The following PBX1 variants were observed in gnomAD, a reference collection of about 807,000 sequenced individuals.
The protein encoded by PBX1 is PBX homeobox 1, also known as pre-B-cell leukemia transcription factor 1.
Under a neutral mutation model 53.4 loss-of-function variants are expected in PBX1, and 6 were observed. The observed-to-expected ratio is 0.11, with a 90% confidence interval of 0.06 to 0.22. The LOEUF (loss-of-function observed/expected upper bound fraction) is 0.22. Among genes scored for constraint, PBX1 ranks in the 10% least tolerant of loss-of-function variants. The pLI is 1.00. For synonymous variants in PBX1, 204 were observed against 212.3 expected (o/e 0.96, Z 0.34); for missense variants, 251 against 551.4 (o/e 0.46, Z 5.46).
rs140512163 is a variant in PBX1, at chr1:164,718,166, A to T, written c.266-74328A>T. Among the ~76,000 whole-genome samples the T allele has an allele frequency of 5.9e-3, 891 of 152,304 alleles. 12 individuals carry two copies. Among genetic ancestry groups the T allele is most frequent in the South Asian group, 0.05 (241 of 4,826 alleles). Reference sequence around the variant, plus strand: ...GTGTTTCCATTTGGACTTACCACGAATGTGGCATGTTTTACCTTCTTTTTT... The same window carrying T: ...GTGTTTCCATTTGGACTTACCACGATTGTGGCATGTTTTACCTTCTTTTTT... On this transcript the variant is annotated intron_variant, in intron 2 of 8. Transcript: ENST00000420696.
chr1:164,701,899 A>G (rs1231344100), intron 2 of PBX1, among the ~76,000 whole-genome samples: 2 of 152,216 alleles, frequency 1.3e-5, no homozygotes, highest in Non-Finnish European at 2.9e-5. Context: ...ACTGAGACCC[A>G]CAACCTTTTG....
intron 2 of PBX1, among the ~76,000 whole-genome samples, chr1:164,569,364 A>G (rs1653668471): frequency 6.6e-6 from 1 of 152,040 alleles, no homozygotes; most frequent in South Asian, 2.1e-4. Context: ...AAGGTGATAG[A>G]TGTAAATTAC....
chr1:164,614,998 C>T (rs12140098), intron 2 of PBX1, among the ~76,000 whole-genome samples: 22,392 of 152,134 alleles, frequency 0.15, 2,018 homozygotes, highest in Middle Eastern at 0.22. Flanking sequence ...TGGTCTTGAA[C>T]TCCTGACCTC....
intron 2 of PBX1, among the ~76,000 whole-genome samples, chr1:164,712,443 C>A (rs991996410): frequency 3.3e-5 from 5 of 152,178 alleles, no homozygotes; most frequent in Non-Finnish European, 5.9e-5. Flanking sequence ...CTGTTAGCAG[C>A]CTTATCGCTC....
chr1:164,580,722 G>A (rs1225994324), intron 2 of PBX1, among the ~76,000 whole-genome samples: 2 of 151,722 alleles, frequency 1.3e-5, no homozygotes, highest in Non-Finnish European at 1.5e-5. Context: ...GATTACAGGA[G>A]CACGCCAACA....
At chr1:164,649,997 G>C (rs1659692401) in intron 2 of PBX1, among the ~76,000 whole-genome samples, 1 of 152,064 alleles carries the variant, frequency 6.6e-6, no homozygotes. Context: ...TCCTCTCTCT[G>C]AGGAAGGGAG....
intron 4 of PBX1, among the ~76,000 whole-genome samples, chr1:164,803,707 A>G (rs547739624): frequency 2.0e-5 from 3 of 152,342 alleles, no homozygotes; most frequent in Admixed American, 1.3e-4. Flanking sequence ...GGAAAGATCC[A>G]CTGAAAACCC....
At chr1:164,764,230 A>G (rs1666945372) in intron 2 of PBX1, among the ~76,000 whole-genome samples, 1 of 152,184 alleles carries the variant, frequency 6.6e-6, no homozygotes, top group African/African-American at 2.4e-5. Flanking sequence ...GAGTTACAAT[A>G]CACACACACA....
intron 6 of PBX1, chr1:164,813,204 T>C (rs1286768265): frequency 6.6e-6 from 1 of 152,220 alleles, no homozygotes; most frequent in Non-Finnish European, 1.5e-5. Flanking sequence ...TTCTGTGAGC[T>C]TCCAGATGCA....
Position 164,559,485 on chromosome 1 carries a change from G to T in PBX1, c.-338G>T. ...TCTGCCTTGCAAAGGAGACCGGACT[G>T]AAAAACCTAAAGCCAGCTCTGATTT... On this transcript the variant is annotated 5_prime_UTR_variant, in exon 1 of 9. Transcript: ENST00000420696. The T allele has an allele frequency of 3.5e-6, 1 of 289,232 alleles. No individual in the cohort carries two copies. The highest frequency in any genetic ancestry group is 5.4e-5 in the East Asian group (1 of 18,538). 17.9% of individuals were successfully genotyped at this position (289,232 alleles called of 1,614,324 possible). A position where few individuals can be genotyped will look rare whatever the true frequency, so the allele number is the denominator to read the frequency against.
In PBX1 at chr1:164,848,622, A is replaced by G. The variant is rs572601779; in HGVS notation, c.*1946A>G. The G allele has an allele frequency of 8.5e-5, 90 of 1,056,764 alleles. No homozygotes were observed. The African/African-American group carries it at 1.3e-3, about 15-fold the overall frequency. 65.5% of individuals were successfully genotyped at this position (1,056,764 alleles called of 1,614,324 possible). On this transcript the variant is annotated 3_prime_UTR_variant, in exon 9 of 9. Transcript: ENST00000420696. ...TTTGGTCTGTCTCTTTTCTTAGGAT[A>G]AAGAAAAACTTCCAAACTAGAAAAA... is the stretch of plus-strand genomic sequence containing the variant.
At position 164,706,570 on chromosome 1, in the gene PBX1, G is replaced by A. The variant is rs567489568; in HGVS notation, c.266-85924G>A. The stretch of plus-strand genomic sequence containing the variant: ...ATGTATGATAGCTGTGTCCTGCCTG[G>A]ATTCATGCAGTCACATATATATGAT... On this transcript the variant is annotated intron_variant, in intron 2 of 8. Transcript: ENST00000420696. Among the ~76,000 whole-genome samples the A allele has an allele frequency of 1.3e-5, 2 of 152,228 alleles. 1 individual carries two copies. Among genetic ancestry groups the A allele is most frequent in the South Asian group, 4.1e-4 (2 of 4,824 alleles).
At chr1:164,712,097 TG>T (rs1663825160) in intron 2 of PBX1, among the ~76,000 whole-genome samples, 1 of 140,448 alleles carries the variant, frequency 7.1e-6, no homozygotes, top group African/African-American at 2.6e-5. Context: ...TGGTAACATC[TG>T]GGGGAGGGGC....
intron 6 of PBX1, chr1:164,813,428 TTTTG>T (rs1429222237): frequency 6.6e-6 from 1 of 152,232 alleles, no homozygotes; most frequent in Non-Finnish European, 1.5e-5. Flanking sequence ...TTTAGAAATA[TTTTG>T]TTTTTTTCTT....
At chr1:164,697,158 C>T (rs190551986) in intron 2 of PBX1, among the ~76,000 whole-genome samples, 1 of 152,290 alleles carries the variant, frequency 6.6e-6, no homozygotes, top group East Asian at 1.9e-4. Flanking sequence ...TTAATCCTCC[C>T]TGCAAAATCT....
intron 2 of PBX1, among the ~76,000 whole-genome samples, chr1:164,659,436 A>G (rs1310673825): frequency 6.6e-6 from 1 of 152,200 alleles, no homozygotes; most frequent in African/African-American, 2.4e-5. Flanking sequence ...GCTGTAGCAT[A>G]TGTTTCCCTT....
At position 164,847,930 on chromosome 1, in the gene PBX1, A is replaced by G. The variant is rs1671651000; in HGVS notation, c.*1254A>G. On this transcript the variant is annotated 3_prime_UTR_variant, in exon 9 of 9. Coordinates refer to ENST00000420696, the MANE Select transcript of PBX1 (RefSeq NM_002585.4). ...CTCTGGAGCACTCAGGGAGCCCCAT[A>G]CAGTACTTACAATGTCTTTAATGGA... is the stretch of plus-strand genomic sequence containing the variant. 6 of 1,053,250 alleles carry G rather than the reference A, an allele frequency of 5.7e-6. No individual in the cohort carries two copies. The highest frequency in any genetic ancestry group is 1.7e-5 in the African/African-American group (1 of 60,360). The allele number at this position is 1,053,250 out of a possible 1,614,324, so 65.2% of individuals were successfully genotyped here.
chr1:164,759,081 C>CTGCA (rs1417853267), intron 2 of PBX1, among the ~76,000 whole-genome samples: 1 of 152,152 alleles, frequency 6.6e-6, no homozygotes, highest in Non-Finnish European at 1.5e-5. Context: ...GGAGACTGGG[C>CTGCA]TGCATGCACT....
At chr1:164,770,862 T>C (rs2171690) in intron 2 of PBX1, 65,045 of 152,042 alleles carry the variant, frequency 0.43, 14,232 homozygotes, top group South Asian at 0.53. Flanking sequence ...CAGTAAAAGA[T>C]GCATTCATTC....
Sources: gnomAD v4.1 joint callset for allele counts (sites outside exome capture counted in the v4.1 genomes callset) on GRCh38, gnomAD v4.1.1 for gene constraint, MANE v1.5 for transcripts, NCBI Gene and HGNC (gene_info 2026-07-23, HGNC 2026-07-21) for gene names.